Variants in PTPRD observed in about 807,000 individuals in gnomAD.
PTPRD encodes the protein receptor-type tyrosine-protein phosphatase delta.
Under a neutral mutation model 214.5 loss-of-function variants are expected in PTPRD, and 34 were observed. The observed-to-expected ratio is 0.16, with a 90% CI of 0.12 to 0.21. The LOEUF (loss-of-function observed/expected upper bound fraction) is 0.21, where lower values mean the gene tolerates loss of function less well. Among genes scored for constraint, PTPRD ranks in the 10% least tolerant of loss-of-function variants. The pLI is 1.00. For missense variants in PTPRD, 2,545 were observed against 2,398.7 expected (o/e 1.06, Z -1.27); for synonymous variants, 1,128 against 845.7 (o/e 1.33, Z -5.79).
intron 44 of PTPRD, among the ~76,000 whole-genome samples, chr9:8,330,684 T>TC (rs772569312): frequency 1.1e-4 from 17 of 152,124 alleles, no homozygotes; most frequent in Non-Finnish European, 2.2e-4. Flanking sequence ...CAGAGAAACT[T>TC]CATTATCATA....
chr9:10,526,553 T>C (rs34592618), intron 2 of PTPRD, among the ~76,000 whole-genome samples: 2 of 152,104 alleles, frequency 1.3e-5, no homozygotes, highest in Non-Finnish European at 2.9e-5. Flanking sequence ...ACAAAACTCC[T>C]TTTGGTTCTC....
chr9:10,499,941 G>A (rs1006007230), intron 2 of PTPRD, among the ~76,000 whole-genome samples: 1 of 151,792 alleles, frequency 6.6e-6, no homozygotes, highest in Non-Finnish European at 1.5e-5. Flanking sequence ...GAGATTCCTG[G>A]AGGATGGATG....
chr9:9,189,193 T>C (rs796970967), intron 9 of PTPRD, among the ~76,000 whole-genome samples: 3 of 152,218 alleles, frequency 2.0e-5, no homozygotes, highest in South Asian at 2.1e-4. Flanking sequence ...GATTATCACA[T>C]AGAAGGTGCT....
chr9:10,269,096 T>A (rs1187530814), intron 3 of PTPRD, among the ~76,000 whole-genome samples: 2 of 152,186 alleles, frequency 1.3e-5, no homozygotes, highest in Non-Finnish European at 2.9e-5. Flanking sequence ...TCAAACCTTT[T>A]GCTCCTCCAT....
intron 5 of PTPRD, among the ~76,000 whole-genome samples, chr9:9,816,104 T>C (rs2048685877): frequency 6.6e-6 from 1 of 152,170 alleles, no homozygotes; most frequent in Non-Finnish European, 1.5e-5. Context: ...CATATCACCA[T>C]ATACTACACC....
At chr9:10,158,410 A>T (rs892778152) in intron 3 of PTPRD, among the ~76,000 whole-genome samples, 2 of 151,972 alleles carry the variant, frequency 1.3e-5, no homozygotes, top group South Asian at 2.1e-4. Context: ...TTTAGTGATA[A>T]CCCCCATTTT....
intron 11 of PTPRD, among the ~76,000 whole-genome samples, chr9:8,851,663 C>T (rs972395379): frequency 3.3e-5 from 5 of 152,038 alleles, no homozygotes; most frequent in East Asian, 1.9e-4. Context: ...CTTCTACATT[C>T]GAGAATTATG....
At chr9:8,789,546 T>C (rs1216448413) in intron 11 of PTPRD, among the ~76,000 whole-genome samples, 1 of 152,204 alleles carries the variant, frequency 6.6e-6, no homozygotes, top group Non-Finnish European at 1.5e-5. Flanking sequence ...TCTTCTTTGG[T>C]GTTTGTTTTT....
At chr9:9,875,492 G>A (rs565597702) in intron 5 of PTPRD, among the ~76,000 whole-genome samples, 3 of 152,132 alleles carry the variant, frequency 2.0e-5, no homozygotes, top group South Asian at 4.1e-4. Flanking sequence ...AATCTACACT[G>A]CCTTCTTATT....
chr9:10,036,052 C>T (rs539486942), intron 3 of PTPRD, among the ~76,000 whole-genome samples: 3 of 152,244 alleles, frequency 2.0e-5, no homozygotes, highest in African/African-American at 7.2e-5. Context: ...AAACTTCACT[C>T]TTGGATATTC....
At chr9:8,791,909 T>C (rs1216405218) in intron 11 of PTPRD, among the ~76,000 whole-genome samples, 1 of 152,104 alleles carries the variant, frequency 6.6e-6, no homozygotes, top group Non-Finnish European at 1.5e-5. Flanking sequence ...ATGACTGCAA[T>C]GGACAGCCAG....
chr9:8,342,958 G>A (rs1011964423), intron 39 of PTPRD, among the ~76,000 whole-genome samples: 6 of 152,080 alleles, frequency 3.9e-5, no homozygotes, highest in African/African-American at 1.4e-4. Flanking sequence ...AACAAAGGAC[G>A]GATGGCTTTG....
At position 8,325,712 on chromosome 9, in the gene PTPRD, G is replaced by A. The variant is rs184481662; in HGVS notation, c.5535-5746C>T. Among the ~76,000 whole-genome samples the A allele has an allele frequency of 4.2e-3, 632 of 152,096 alleles. 19 individuals carry two copies. Among genetic ancestry groups the A allele is most frequent in the Admixed American group, 0.038 (572 of 15,240 alleles). ...TTCACGATATTGATTCTTCCTATCC[G>A]TGAGCATGGAATGTTCTTCCATTTG... is the stretch of plus-strand genomic sequence containing the variant. On this transcript the variant is annotated intron_variant, in intron 44 of 45. Transcript: ENST00000381196.
At chr9:8,984,459 A>T (rs930238367) in intron 11 of PTPRD, among the ~76,000 whole-genome samples, 2 of 152,134 alleles carry the variant, frequency 1.3e-5, no homozygotes, top group African/African-American at 4.8e-5. Flanking sequence ...TTTGAAGCTT[A>T]ACACAAAATT....
intron 9 of PTPRD, among the ~76,000 whole-genome samples, chr9:9,279,843 CATACTT>C (rs1018191078): frequency 6.6e-6 from 1 of 151,066 alleles, no homozygotes; most frequent in Non-Finnish European, 1.5e-5. Flanking sequence ...AAACTATGGT[CATACTT>C]ATACATTCAG....
chr9:10,115,351 G>C (rs1183669510), intron 3 of PTPRD, among the ~76,000 whole-genome samples: 1 of 152,080 alleles, frequency 6.6e-6, no homozygotes, highest in Non-Finnish European at 1.5e-5. Flanking sequence ...GTAAGGTATA[G>C]TGCATTCTGG....
intron 40 of PTPRD, 53 bp downstream of exon 40, chr9:8,341,640 A>G (rs2132475300): frequency 6.3e-7 from 1 of 1,588,788 alleles, no homozygotes; most frequent in Non-Finnish European, 8.6e-7. Context: ...CGACTCAAAG[A>G]CAAACCCAGA....
chr9:8,816,275 TC>T (rs1357796265), intron 11 of PTPRD, among the ~76,000 whole-genome samples: 3 of 152,226 alleles, frequency 2.0e-5, no homozygotes, highest in Admixed American at 2.0e-4. Context: ...TTCACTTTTT[TC>T]TTTGTGTATT....
chr9:9,327,043 A>G (rs2040244911), intron 9 of PTPRD, among the ~76,000 whole-genome samples: 1 of 152,178 alleles, frequency 6.6e-6, no homozygotes, highest in Non-Finnish European at 1.5e-5. Context: ...TGTGTTTACT[A>G]AAGAGGTCAA....
Sources: gnomAD v4.1 joint callset for allele counts (sites outside exome capture counted in the v4.1 genomes callset) on GRCh38, gnomAD v4.1.1 for gene constraint, MANE v1.5 for transcripts, NCBI Gene and HGNC (gene_info 2026-07-23, HGNC 2026-07-21) for gene names.